The following CCT3 variants were observed in gnomAD, a reference collection of about 807,000 sequenced individuals.
CCT3 encodes T-complex protein 1 subunit gamma.
Under a neutral mutation model 65.3 loss-of-function variants are expected in CCT3, and 10 were observed. The ratio of observed to expected loss-of-function variants is 0.15; its 90% CI spans 0.09 to 0.26. The LOEUF is 0.26. Among genes scored for constraint, CCT3 ranks in the 10% least tolerant of loss-of-function variants. CCT3 has a pLI of 1.00. For missense variants in CCT3, 626 were observed against 708.7 expected (o/e 0.88, Z 1.33); for synonymous variants, 225 against 242.3 (o/e 0.93, Z 0.66).
intron 10 of CCT3, among the ~76,000 whole-genome samples, chr1:156,316,680 A>C (rs1664326872): frequency 6.6e-6 from 1 of 152,232 alleles, no homozygotes; most frequent in Admixed American, 6.5e-5. Flanking sequence ...TAGGTAACAC[A>C]GCAAGACCTT....
intron 6 of CCT3, among the ~76,000 whole-genome samples, chr1:156,323,881 GC>G (rs745492427): frequency 1.3e-5 from 2 of 151,944 alleles, no homozygotes; most frequent in African/African-American, 4.8e-5. Context: ...TCCTGCTTCA[GC>G]CCCCCGAGTA....
intron 5 of CCT3, among the ~76,000 whole-genome samples, chr1:156,325,749 T>C (rs1300551651): frequency 6.6e-6 from 1 of 152,040 alleles, no homozygotes; most frequent in East Asian, 1.9e-4. Context: ...AGCTAACTTT[T>C]GTACTTTATT....
rs1664427247 is a variant in CCT3, at chr1:156,318,947, G to A, written c.680C>T (p.Pro227Leu). 6.2e-7 allele frequency: 1 copy of A among 1,614,012 alleles called. No individual in the cohort carries two copies. The highest frequency in any genetic ancestry group is 1.3e-5 in the African/African-American group (1 of 75,016). Residue 227 changes from proline (P) to leucine (L), a missense_variant, in exon 8 of 14, where the codon CCA (proline) becomes CTA (leucine). By Grantham distance (98) the Pro-to-Leu change is moderately conservative (BLOSUM62 -3). Transcript: ENST00000295688. ...GTTCTTGATATAGCGCCGCATACGTGGATGGGTCACATCCTTGTTAATCAT... is the reference window on the plus strand; with the variant it reads ...GTTCTTGATATAGCGCCGCATACGTAGATGGGTCACATCCTTGTTAATCAT... ...GVMINKDVTH[P>L]RMRRYIKNPR...
At chr1:156,325,577 AT>A (rs549653555) in intron 5 of CCT3, among the ~76,000 whole-genome samples, 31,937 of 137,770 alleles carry the variant, frequency 0.23, 3,463 homozygotes, top group Non-Finnish European at 0.29. Flanking sequence ...TATTCTTTTG[AT>A]TTTTTTTTTT....
Position 156,338,252 on chromosome 1 carries a change from C to T in CCT3, c.-68G>A. Reference sequence around the variant, plus strand: ...GGCAGAACCTTCTGGAGAGAGAGAACCAGACAGAAGCCCAGAAAACGCTGC... The same window carrying T: ...GGCAGAACCTTCTGGAGAGAGAGAATCAGACAGAAGCCCAGAAAACGCTGC... On this transcript the variant is annotated 5_prime_UTR_variant, in exon 1 of 14. Transcript: ENST00000295688. The T allele has an allele frequency of 6.9e-7, 1 of 1,453,226 alleles. No individual in the cohort carries two copies. Among genetic ancestry groups the T allele is most frequent in the South Asian group, 1.2e-5 (1 of 82,170 alleles). 90.0% of individuals were successfully genotyped at this position (1,453,226 alleles called of 1,614,324 possible). A position where few individuals can be genotyped will look rare whatever the true frequency, so the allele number is the denominator to read the frequency against.
chr1:156,320,021 A>AGT (rs1369598794), intron 7 of CCT3, among the ~76,000 whole-genome samples: 10 of 152,194 alleles, frequency 6.6e-5, no homozygotes, highest in Non-Finnish European at 1.3e-4. Context: ...GAAGGTAACA[A>AGT]CAAAACTATT....
chr1:156,336,059 A>G (rs979669900), intron 1 of CCT3, 171 bp from the exon 2 acceptor site: 3 of 499,226 alleles, frequency 6.0e-6, no homozygotes, highest in East Asian at 6.1e-5. Context: ...TGTCAACCAT[A>G]TCTCAAAAAA....
In CCT3 at chr1:156,317,487, A is replaced by C; in HGVS notation, c.820T>G (p.Tyr274Asp). The change falls in exon 9 of 14, where the codon TAC becomes GAC. Residue 274 changes from tyrosine (Y) to aspartate (D), a missense_variant. Physicochemically the swap from Tyr to Asp is radical, Grantham distance 160. Transcript: ENST00000295688. ...FTRILQMEEEYIQQLCEDIIQ... is the reference protein window; with the variant it reads ...FTRILQMEEEDIQQLCEDIIQ... Reference sequence around the variant, plus strand: ...ATGTCCTCACAGAGCTGCTGGATGTACTCTTCCTCCATCTGGAGAATTCGG... The same window carrying C: ...ATGTCCTCACAGAGCTGCTGGATGTCCTCTTCCTCCATCTGGAGAATTCGG... The C allele has an allele frequency of 6.2e-7, 1 of 1,613,716 alleles. No homozygotes were observed. The highest frequency in any genetic ancestry group is 8.5e-7 in the Non-Finnish European group (1 of 1,179,800).
rs1388972559 is a variant in CCT3 at position 156,335,824 on chromosome 1, G to C, written c.93+3C>G. 1.2e-6 allele frequency: 2 copies of C among 1,613,168 alleles called. No individual in the cohort carries two copies. The highest frequency in any genetic ancestry group is 1.7e-6 in the Non-Finnish European group (2 of 1,179,208). Reference sequence around the variant, plus strand: ...TACCATAAACACTTAAAAGATTTGTGACCTTGGCAGCATTGATGTTTCCAG... The same window carrying C: ...TACCATAAACACTTAAAAGATTTGTCACCTTGGCAGCATTGATGTTTCCAG... On this transcript the variant is annotated splice_donor_region_variant and intron_variant, in intron 2 of 13. Transcript: ENST00000295688.
chr1:156,334,559 A>G (rs75317349), intron 4 of CCT3, among the ~76,000 whole-genome samples, 154 bp downstream of exon 4: 2,543 of 152,290 alleles, frequency 0.017, 155 homozygotes, highest in Admixed American at 0.12. Flanking sequence ...GCTTCATTCT[A>G]TAAGATAATA....
chr1:156,336,614 C>T (rs959590008), intron 1 of CCT3, among the ~76,000 whole-genome samples: 3 of 152,184 alleles, frequency 2.0e-5, no homozygotes, highest in Non-Finnish European at 2.9e-5. Context: ...CGGTCACAGC[C>T]AACTAATGCC....
At chr1:156,333,710 T>TTAGGGCC in intron 4 of CCT3, 67 bp from the exon 5 acceptor site, 2 of 1,190,060 alleles carry the variant, frequency 1.7e-6, no homozygotes, top group Non-Finnish European at 1.2e-6. Flanking sequence ...AGCTTGGCCC[T>TTAGGGCC]AACTCTTGGG....
intron 5 of CCT3, among the ~76,000 whole-genome samples, chr1:156,327,956 G>C (rs1032342734): frequency 3.4e-5 from 5 of 147,288 alleles, no homozygotes; most frequent in African/African-American, 1.2e-4. Context: ...TCTGGGAGGT[G>C]AGGAGACCCT....
At chr1:156,324,060 G>A (rs1226216752) in intron 6 of CCT3, among the ~76,000 whole-genome samples, 1 of 151,388 alleles carries the variant, frequency 6.6e-6, no homozygotes, top group Admixed American at 6.6e-5. Context: ...ACCATGCCCA[G>A]CCCAAGTCTT....
At chr1:156,309,559 TG>T (rs1165158619) in intron 13 of CCT3, among the ~76,000 whole-genome samples, 2 of 151,948 alleles carry the variant, frequency 1.3e-5, no homozygotes, top group African/African-American at 4.8e-5. Context: ...CCCAAGCAGC[TG>T]GGATTACAGG....
In CCT3 at chr1:156,335,720, A is replaced by G. The variant is rs1191531277; in HGVS notation, c.93+107T>C. On this transcript the variant is annotated intron_variant, in intron 2 of 13. Coordinates refer to ENST00000295688, the MANE Select transcript of CCT3 (RefSeq NM_005998.5). ...AAAGAGGTCAACTTTTCCTCTGCCT[A>G]TTTGCCTACTCTATAAAGTCTAGAT... The G allele has an allele frequency of 3.1e-5, 26 of 843,822 alleles. No homozygotes were observed. The East Asian group carries it at 6.4e-4, about 21-fold the overall frequency. The allele number at this position is 843,822 out of a possible 1,614,324, so 52.3% of individuals were successfully genotyped here. A position where few individuals can be genotyped will look rare whatever the true frequency, so the allele number is the denominator to read the frequency against.
chr1:156,315,690 G>A (rs1301901864), intron 10 of CCT3, among the ~76,000 whole-genome samples: 1 of 152,028 alleles, frequency 6.6e-6, no homozygotes, highest in Non-Finnish European at 1.5e-5. Flanking sequence ...AACTCCTTGG[G>A]GACTGATTCC....
intron 8 of CCT3, among the ~76,000 whole-genome samples, chr1:156,318,291 A>G (rs1309896942): frequency 6.9e-6 from 1 of 145,872 alleles, no homozygotes; most frequent in Non-Finnish European, 1.5e-5. Flanking sequence ...TGGCGTGATC[A>G]CAGCTCCTTG....
At chr1:156,323,159 A>T (rs1361531013) in intron 6 of CCT3, among the ~76,000 whole-genome samples, 1 of 151,850 alleles carries the variant, frequency 6.6e-6, no homozygotes, top group African/African-American at 2.4e-5. Flanking sequence ...ATACAAAATT[A>T]GCCGGATGTG....
Sources: allele counts gnomAD v4.1 joint callset (sites outside exome capture counted in the v4.1 genomes callset), GRCh38; gene constraint gnomAD v4.1.1; transcripts MANE v1.5; gene names NCBI Gene and HGNC (gene_info 2026-07-23, HGNC 2026-07-21).